Variants in CDH9 observed in about 807,000 individuals in gnomAD.
CDH9 encodes the protein cadherin-9.
Under a neutral mutation model 70.9 loss-of-function variants are expected in CDH9, and 28 were observed. That is an observed-to-expected ratio of 0.40 (90% CI 0.29 to 0.54). The LOEUF is 0.54. CDH9 is among the 20% of genes least tolerant of loss of function. The pLI, the probability that CDH9 is intolerant of heterozygous loss-of-function variation, is 0.59. For missense variants in CDH9, 874 were observed against 984.4 expected (o/e 0.89, Z 1.50); for synonymous variants, 409 against 343.1 (o/e 1.19, Z -2.12).
At chr5:26,881,707 T>A (rs1740468890) in intron 11 of CDH9, 84 bp from the exon 12 acceptor site, 1 of 1,221,834 alleles carries the variant, frequency 8.2e-7, no homozygotes, top group Non-Finnish European at 1.1e-6. Flanking sequence ...ATTCGTTTGG[T>A]GCAGGAGATA....
Position 26,881,119 on chromosome 5 carries a change from T to A in CDH9, c.*17A>T. The A allele has an allele frequency of 6.3e-7, 1 of 1,576,908 alleles. No individual in the cohort carries two copies. Among genetic ancestry groups the A allele is most frequent in the Non-Finnish European group, 8.6e-7 (1 of 1,161,968 alleles). On this transcript the variant is annotated 3_prime_UTR_variant, in exon 12 of 12. Transcript: ENST00000231021. ...AGACAGTACTTCCACTAATATTGAT[T>A]AAGTCAAACAATCCTCTTAGTCTCG...
intron 3 of CDH9, 68 bp downstream of exon 3, chr5:26,915,562 A>G (rs1741133530): frequency 1.1e-6 from 1 of 900,110 alleles, no homozygotes. Flanking sequence ...CATAACCACA[A>G]GTCAATAATA....
rs533639381 is a variant in CDH9, at chr5:26,890,481, A to G, written c.1337T>C (p.Leu446Pro). ...ENGSIFTLKA[L>P]DRESSPWHNI... ...ATGCCAAGGAGATGATTCCCGGTCA[A>G]GGGCTTTCAAAGTGAAAATAGAACC... Residue 446 changes from leucine (L) to proline (P), a missense_variant, in exon 8 of 12, where the codon CTT becomes CCT. Physicochemically the swap from Leu to Pro is moderately conservative, Grantham distance 98. Coordinates refer to ENST00000231021, the MANE Select transcript of CDH9 (RefSeq NM_016279.4). The G allele has an allele frequency of 6.2e-6, 10 of 1,613,042 alleles. No individual in the cohort carries two copies. The South Asian group carries it at 8.8e-5, about 14-fold the overall frequency.
At chr5:26,968,817 C>T (rs1742170689) in intron 2 of CDH9, among the ~76,000 whole-genome samples, 1 of 151,992 alleles carries the variant, frequency 6.6e-6, no homozygotes, top group South Asian at 2.1e-4. Flanking sequence ...AGTATTAGTA[C>T]TGTTCCTTAA....
At chr5:26,953,368 G>T (rs770358402) in intron 2 of CDH9, among the ~76,000 whole-genome samples, 1 of 152,096 alleles carries the variant, frequency 6.6e-6, no homozygotes, top group Admixed American at 6.6e-5. Context: ...TAATCATAAT[G>T]CATTTTCTCC....
chr5:27,010,126 ATTG>A, intron 1 of CDH9, among the ~76,000 whole-genome samples: 1 of 152,240 alleles, frequency 6.6e-6, no homozygotes, highest in South Asian at 2.1e-4. Context: ...ACAGTATATT[ATTG>A]TTAACTATAA....
chr5:27,021,965 A>G (rs910898173), intron 1 of CDH9, among the ~76,000 whole-genome samples: 3 of 152,102 alleles, frequency 2.0e-5, no homozygotes, highest in Admixed American at 2.0e-4. Context: ...TCACTATCGG[A>G]TACTCTCGTG....
At chr5:26,981,626 G>C (rs10078952) in intron 2 of CDH9, among the ~76,000 whole-genome samples, 1 of 151,956 alleles carries the variant, frequency 6.6e-6, no homozygotes, top group Non-Finnish European at 1.5e-5. Flanking sequence ...TATAAAACCA[G>C]AGAGTCTAAA....
chr5:26,925,352 G>T (rs906289239), intron 2 of CDH9, among the ~76,000 whole-genome samples: 4 of 152,082 alleles, frequency 2.6e-5, no homozygotes, highest in Non-Finnish European at 5.9e-5. Flanking sequence ...GTCTTCTTTT[G>T]AGAAGTATCT....
At chr5:26,989,114 T>C (rs1742537918) in intron 1 of CDH9, among the ~76,000 whole-genome samples, 1 of 152,058 alleles carries the variant, frequency 6.6e-6, no homozygotes, top group African/African-American at 2.4e-5. Flanking sequence ...AAAATAGCAT[T>C]GAAACTTGAT....
chr5:26,930,545 A>G (rs1741424423), intron 2 of CDH9, among the ~76,000 whole-genome samples: 1 of 152,088 alleles, frequency 6.6e-6, no homozygotes, highest in African/African-American at 2.4e-5. Flanking sequence ...CACAATTCAA[A>G]CCCATGTTGT....
chr5:26,914,470 A>G (rs537213706), intron 3 of CDH9, among the ~76,000 whole-genome samples: 12 of 152,132 alleles, frequency 7.9e-5, no homozygotes, highest in Non-Finnish European at 5.9e-5. Context: ...TTTGTATTAG[A>G]GCTTTATGAT....
chr5:26,912,366 G>C (rs1437626007), intron 3 of CDH9, among the ~76,000 whole-genome samples: 1 of 151,716 alleles, frequency 6.6e-6, no homozygotes, highest in Non-Finnish European at 1.5e-5. Context: ...TAATTATAAT[G>C]TTAGTCTTTT....
intron 2 of CDH9, among the ~76,000 whole-genome samples, chr5:26,974,082 T>A (rs967409526): frequency 1.3e-5 from 2 of 151,980 alleles, no homozygotes; most frequent in African/African-American, 4.8e-5. Flanking sequence ...TCGTCTCTAC[T>A]AAAACACAAA....
chr5:26,912,035 A>G (rs1741064051), intron 3 of CDH9, among the ~76,000 whole-genome samples: 1 of 152,134 alleles, frequency 6.6e-6, no homozygotes, highest in Non-Finnish European at 1.5e-5. Flanking sequence ...ACAGAAAATA[A>G]CATTGTAAAG....
intron 1 of CDH9, among the ~76,000 whole-genome samples, chr5:27,023,393 TTTTTC>T (rs1743172237): frequency 6.6e-6 from 1 of 152,092 alleles, no homozygotes; most frequent in South Asian, 2.1e-4. Context: ...ATGGTACTCA[TTTTTC>T]TCTGTTTGTT....
In CDH9 at chr5:26,903,631, A is replaced by G; in HGVS notation, c.999+6T>C. The G allele has an allele frequency of 2.5e-6, 4 of 1,581,260 alleles. No homozygotes were observed. Among genetic ancestry groups the G allele is most frequent in the Non-Finnish European group, 3.5e-6 (4 of 1,150,100 alleles). ...CAATGAAAAGATGAAGACAGTGAAA[A>G]GAAACCTGTTTGACAGTTATAATCC... On this transcript the variant is annotated splice_donor_region_variant and intron_variant, in intron 6 of 11. Transcript: ENST00000231021.
intron 2 of CDH9, among the ~76,000 whole-genome samples, chr5:26,958,721 A>G (rs530061218): frequency 6.6e-6 from 1 of 152,354 alleles, no homozygotes; most frequent in South Asian, 2.1e-4. Context: ...TCATTTATGT[A>G]AAAGAATTCA....
At chr5:26,914,640 T>G (rs1331130423) in intron 3 of CDH9, among the ~76,000 whole-genome samples, 1 of 152,076 alleles carries the variant, frequency 6.6e-6, no homozygotes, top group African/African-American at 2.4e-5. Flanking sequence ...TGGTTCTTCC[T>G]GCTAAATATC....
Sources: gnomAD v4.1 joint callset for allele counts (sites outside exome capture counted in the v4.1 genomes callset) on GRCh38, gnomAD v4.1.1 for gene constraint, MANE v1.5 for transcripts, NCBI Gene and HGNC (gene_info 2026-07-23, HGNC 2026-07-21) for gene names.